Variants in TANC2 observed in about 807,000 individuals in gnomAD.
TANC2 encodes the protein tetratricopeptide repeat, ankyrin repeat and coiled-coil containing 2, also known as protein TANC2.
Under a neutral mutation model 210.5 loss-of-function variants are expected in TANC2, and 26 were observed. The ratio of observed to expected loss-of-function variants is 0.12; its 90% confidence interval spans 0.09 to 0.17. The LOEUF is 0.17. Among genes scored for constraint, TANC2 ranks in the 10% least tolerant of loss-of-function variants. The pLI is 1.00. For missense variants in TANC2, 2,129 were observed against 2,608.9 expected (o/e 0.82, Z 4.01); for synonymous variants, 931 against 967.1 (o/e 0.96, Z 0.69).
At chr17:63,386,855 G>GT (rs1433467686) in intron 15 of TANC2, among the ~76,000 whole-genome samples, 3 of 151,814 alleles carry the variant, frequency 2.0e-5, no homozygotes, top group African/African-American at 7.3e-5. Context: ...GGTGGTTGTT[G>GT]TTTTTTGGTT....
At chr17:63,269,559 C>G (rs981321005) in intron 9 of TANC2, among the ~76,000 whole-genome samples, 1 of 152,098 alleles carries the variant, frequency 6.6e-6, no homozygotes, top group African/African-American at 2.4e-5. Flanking sequence ...ACTTTATTTT[C>G]TGCTTTACTA....
At chr17:63,102,064 G>C (rs955378862) in intron 4 of TANC2, among the ~76,000 whole-genome samples, 2 of 152,136 alleles carry the variant, frequency 1.3e-5, no homozygotes, top group Non-Finnish European at 1.5e-5. Context: ...ACTTTCAGAG[G>C]CCGAGGCAGG....
exon 12 of TANC2, chr17:63,340,216 A>T (rs2046181569): frequency 1.2e-6 from 2 of 1,613,762 alleles, no homozygotes; most frequent in Non-Finnish European, 1.7e-6. Flanking sequence ...GCCTATCGGG[A>T]GCAGCTTCTT....
chr17:63,254,501 C>T (rs987208602), intron 8 of TANC2, among the ~76,000 whole-genome samples: 2 of 152,132 alleles, frequency 1.3e-5, no homozygotes, highest in South Asian at 4.1e-4. Flanking sequence ...GCTGGGACTT[C>T]CAGAACTATG....
At chr17:63,424,976 CG>C (rs2147457735) in exon 28 of TANC2, 1 of 152,278 alleles carries the variant, frequency 6.6e-6, no homozygotes, top group Admixed American at 6.5e-5. Flanking sequence ...TCCTGAGACA[CG>C]GTTACTTTAT....
chr17:63,411,422 T>C, intron 21 of TANC2, 89 bp from the exon 22 acceptor site: 2 of 1,304,630 alleles, frequency 1.5e-6, no homozygotes, highest in Non-Finnish European at 2.1e-6. Flanking sequence ...AGCAGTGTTC[T>C]TTGCAGGAGC....
At chr17:63,267,096 C>T (rs1307779923) in intron 8 of TANC2, among the ~76,000 whole-genome samples, 2 of 152,064 alleles carry the variant, frequency 1.3e-5, no homozygotes, top group Non-Finnish European at 2.9e-5. Flanking sequence ...TCAAGCGATC[C>T]ACTCTCCTCA....
At position 63,341,356 on chromosome 17, in the gene TANC2, A is replaced by G. The variant is rs374312290; in HGVS notation, c.1807+1024A>G. 1.4e-4 allele frequency among the ~76,000 whole-genome samples: 21 copies of G among 152,192 alleles called. No individual in the cohort carries two copies. The East Asian group carries it at 2.1e-3, about 15-fold the overall frequency. On this transcript the variant is annotated intron_variant, in intron 12 of 27. Coordinates refer to ENST00000689528, the Ensembl canonical transcript of TANC2. ...AGCCTATTTCCTGGACATTCAGTCA[A>G]TCTCTAAAACCTGTTAATTCTGCCT...
At chr17:63,081,853 A>G (rs1225342374) in intron 3 of TANC2, among the ~76,000 whole-genome samples, 1 of 152,212 alleles carries the variant, frequency 6.6e-6, no homozygotes, top group African/African-American at 2.4e-5. Context: ...TAGAAAAGGA[A>G]TAAAAGCATG....
At chr17:62,980,013 G>A (rs183468673) in intron 1 of TANC2, among the ~76,000 whole-genome samples, 8 of 152,122 alleles carry the variant, frequency 5.3e-5, no homozygotes, top group East Asian at 3.9e-4. Flanking sequence ...TCTTTCCTTC[G>A]TCTCTCTTGT....
chr17:63,249,491 A>G (rs1001969565), intron 8 of TANC2, among the ~76,000 whole-genome samples: 1 of 152,130 alleles, frequency 6.6e-6, no homozygotes, highest in Non-Finnish European at 1.5e-5. Context: ...TTTGCTTGCA[A>G]CAGCTGTCGT....
At chr17:63,303,838 A>T (rs145235573) in intron 9 of TANC2, among the ~76,000 whole-genome samples, 4 of 150,814 alleles carry the variant, frequency 2.7e-5, no homozygotes, top group Non-Finnish European at 5.9e-5. Flanking sequence ...CCTTATTTCA[A>T]CAAGATGGTC....
chr17:63,014,498 A>G (rs2034017602), intron 2 of TANC2, among the ~76,000 whole-genome samples: 1 of 152,120 alleles, frequency 6.6e-6, no homozygotes, highest in Non-Finnish European at 1.5e-5. Context: ...TGGAAATCAG[A>G]TTCTTCTCCT....
chr17:63,165,051 G>A (rs997404270), intron 5 of TANC2, among the ~76,000 whole-genome samples: 1 of 152,098 alleles, frequency 6.6e-6, no homozygotes, highest in African/African-American at 2.4e-5. Flanking sequence ...AGAGGCTGAG[G>A]TGGGAGAATC....
intron 24 of TANC2, chr17:63,413,257 A>G (rs1232784692): frequency 3.2e-6 from 1 of 309,316 alleles, no homozygotes; most frequent in Admixed American, 4.9e-5. Flanking sequence ...AAATAATTCC[A>G]AACTGAGCCA....
chr17:63,041,088 G>T (rs1228885805), intron 2 of TANC2, among the ~76,000 whole-genome samples: 1 of 151,912 alleles, frequency 6.6e-6, no homozygotes, highest in African/African-American at 2.4e-5. Flanking sequence ...AAATAATAAG[G>T]ATTCAGCACT....
At chr17:63,395,949 T>C (rs1418243140) in intron 18 of TANC2, 21 bp downstream of exon 18, 1 of 1,587,852 alleles carries the variant, frequency 6.3e-7, no homozygotes, top group African/African-American at 1.3e-5. Flanking sequence ...GGCAATAGGA[T>C]TGTTTTTTCA....
intron 4 of TANC2, among the ~76,000 whole-genome samples, chr17:63,101,371 C>T (rs2037614319): frequency 6.6e-6 from 1 of 152,158 alleles, no homozygotes; most frequent in Non-Finnish European, 1.5e-5. Context: ...AGTAATTTCT[C>T]CATTTCCATA....
chr17:63,362,966 G>A (rs1234583371), intron 14 of TANC2, among the ~76,000 whole-genome samples: 5 of 152,118 alleles, frequency 3.3e-5, no homozygotes, highest in Admixed American at 3.3e-4. Context: ...CATATTGATT[G>A]CACTAATTTA....
Sources: allele counts gnomAD v4.1 joint callset (sites outside exome capture counted in the v4.1 genomes callset), GRCh38; gene constraint gnomAD v4.1.1; transcripts MANE v1.5; gene names NCBI Gene and HGNC (gene_info 2026-07-23, HGNC 2026-07-21).